Variants in DGLUCY observed in about 807,000 individuals in gnomAD.
DGLUCY encodes the protein D-glutamate cyclase.
DGLUCY carries 58 observed loss-of-function variants against 58.5 expected under a neutral mutation model. The observed-to-expected ratio is 0.99, with a 90% CI of 0.80 to 1.23. The LOEUF is 1.23. Ranked by LOEUF, DGLUCY falls within the 50% of genes most tolerant of loss-of-function variation. The probability of loss-of-function intolerance (pLI) is 0.00; values close to 1 mark genes in which losing one functional copy is unlikely to be tolerated. For synonymous variants in DGLUCY, 325 were observed against 314.1 expected (o/e 1.03, Z -0.37); for missense variants, 779 against 784.7 (o/e 0.99, Z 0.09).
intron 9 of DGLUCY, 152 bp downstream of exon 9, chr14:91,189,322 CTG>C: frequency 7.3e-6 from 8 of 1,095,338 alleles, no homozygotes; most frequent in Non-Finnish European, 1.0e-5. Flanking sequence ...GACGAAGAGA[CTG>C]AGGCTCTGAG....
chr14:91,170,084 G>A lies in DGLUCY; in HGVS notation c.339G>A (p.Gln113=), dbSNP rs778214097. 7.4e-6 allele frequency: 12 copies of A among 1,612,628 alleles called. No homozygotes were observed. The highest frequency in any genetic ancestry group is 2.7e-5 in the African/African-American group (2 of 74,900). The change falls in exon 5 of 14, where the codon CAG becomes CAA. Residue 113 remains glutamine (Q), a synonymous_variant. Coordinates refer to ENST00000256324, the MANE Select transcript of DGLUCY (RefSeq NM_001102368.3). ...SLASLEQYSE[Q]LKDMVAFFLG... ...CTTCGCTGGAGCAGTACTCGGAGCA[G>A]CTGAAGGACATGGTGGCCTTCTTCC...
intron 1 of DGLUCY, among the ~76,000 whole-genome samples, chr14:91,090,326 C>T (rs942840820): frequency 4.6e-5 from 7 of 152,134 alleles, no homozygotes; most frequent in South Asian, 4.1e-4. Flanking sequence ...GAAAAAGGAG[C>T]GGTGAGGGTA....
intron 6 of DGLUCY, 117 bp from the exon 7 acceptor site, chr14:91,175,817 T>C: frequency 8.2e-7 from 1 of 1,214,414 alleles, no homozygotes; most frequent in Non-Finnish European, 1.2e-6. Context: ...TCAAATACCA[T>C]TTACAATAAT....
intron 1 of DGLUCY, among the ~76,000 whole-genome samples, chr14:91,126,804 TAA>T (rs902929012): frequency 2.0e-5 from 3 of 152,184 alleles, no homozygotes; most frequent in Admixed American, 6.5e-5. Flanking sequence ...GTTTTCCAAA[TAA>T]AGTCATATTC....
intron 11 of DGLUCY, among the ~76,000 whole-genome samples, chr14:91,201,753 T>C (rs2050576897): frequency 6.6e-6 from 1 of 151,948 alleles, no homozygotes; most frequent in African/African-American, 2.4e-5. Context: ...CTTCAGTCGT[T>C]AATAATATAA....
intron 3 of DGLUCY, among the ~76,000 whole-genome samples, chr14:91,164,778 T>A (rs537786526): frequency 3.0e-4 from 45 of 152,338 alleles, no homozygotes; most frequent in Non-Finnish European, 4.0e-4. Flanking sequence ...GTGACTGTGC[T>A]GGGCCAGACC....
chr14:91,108,526 T>TGTGTGTGTGAGAGAGAGA (rs1265665234), intron 1 of DGLUCY, among the ~76,000 whole-genome samples: 9 of 52,178 alleles, frequency 1.7e-4, no homozygotes, highest in African/African-American at 3.1e-4. Context: ...TGTGTGTGTG[T>TGTGTGTGTGAGAGAGAGA]GAGAGAGAGA....
At chr14:91,116,668 G>T (rs150959780) in intron 1 of DGLUCY, among the ~76,000 whole-genome samples, 2 of 152,082 alleles carry the variant, frequency 1.3e-5, no homozygotes, top group African/African-American at 4.8e-5. Flanking sequence ...GGAATAGGCC[G>T]GGCGTGGTGG....
chr14:91,171,792 C>G (rs760313867), intron 5 of DGLUCY, among the ~76,000 whole-genome samples: 1 of 152,192 alleles, frequency 6.6e-6, no homozygotes, highest in Non-Finnish European at 1.5e-5. Flanking sequence ...CAGATCAAAC[C>G]GGGCAACATC....
At chr14:91,093,424 G>A (rs2044345504) in intron 1 of DGLUCY, among the ~76,000 whole-genome samples, 3 of 152,116 alleles carry the variant, frequency 2.0e-5, no homozygotes, top group Non-Finnish European at 4.4e-5. Flanking sequence ...CCATGAAATG[G>A]AATATTATCT....
chr14:91,137,992 CT>C (rs1210780237), intron 1 of DGLUCY, among the ~76,000 whole-genome samples: 1 of 152,136 alleles, frequency 6.6e-6, no homozygotes, highest in African/African-American at 2.4e-5. Flanking sequence ...CAAAAAGACA[CT>C]GCGTGATTCA....
rs76096766 is a variant in DGLUCY, at chr14:91,188,827, A to G, written c.935-83A>G. On this transcript the variant is annotated intron_variant, in intron 8 of 13. Coordinates refer to ENST00000256324, the MANE Select transcript of DGLUCY (RefSeq NM_001102368.3). ...CTGGATGACAGAGCAAAACCCTATC[A>G]TAAGTAAATAAATACATACATACAT... The G allele has an allele frequency of 5.1e-5, 73 of 1,425,300 alleles. No individual in the cohort carries two copies. The East Asian group carries it at 1.7e-3, about 34-fold the overall frequency. The allele number at this position is 1,425,300 out of a possible 1,614,324, so 88.3% of individuals were successfully genotyped here.
chr14:91,107,835 C>T (rs1267140118), upstream of DGLUCY, among the ~76,000 whole-genome samples: 1 of 152,086 alleles, frequency 6.6e-6, no homozygotes, highest in African/African-American at 2.4e-5. Flanking sequence ...GTGGGAGACA[C>T]GAGACAGGGA....
Position 91,127,836 on chromosome 14 carries a change from A to G in DGLUCY, c.-82+13553A>G, listed in dbSNP as rs1268142605. On this transcript the variant is annotated intron_variant, in intron 1 of 13. Transcript: ENST00000256324. Reference sequence around the variant, plus strand: ...CTTTTCTCCTTCCCTGCTTTCAGAAAGGTCAACTGGGACTAAAGTGCATCT... The same window carrying G: ...CTTTTCTCCTTCCCTGCTTTCAGAAGGGTCAACTGGGACTAAAGTGCATCT... Among the ~76,000 whole-genome samples, 5 of 152,058 alleles carry G rather than the reference A, an allele frequency of 3.3e-5. No individual in the cohort carries two copies. The South Asian group carries it at 1.0e-3, about 32-fold the overall frequency.
At chr14:91,066,301 C>T (rs942740396) in intron 1 of DGLUCY, among the ~76,000 whole-genome samples, 6 of 151,048 alleles carry the variant, frequency 4.0e-5, no homozygotes, top group African/African-American at 1.5e-4. Context: ...TCACTTGAAC[C>T]CGGGAGGCAG....
intron 1 of DGLUCY, among the ~76,000 whole-genome samples, chr14:91,139,454 G>A (rs1479578839): frequency 5.3e-5 from 8 of 152,218 alleles, no homozygotes; most frequent in African/African-American, 1.7e-4. Flanking sequence ...GGAAGCCAAG[G>A]CAGGTGGATC....
At chr14:91,135,943 T>G (rs1301804263) in intron 1 of DGLUCY, among the ~76,000 whole-genome samples, 3 of 139,248 alleles carry the variant, frequency 2.2e-5, no homozygotes, top group African/African-American at 8.0e-5. Flanking sequence ...TTTTTTTTTT[T>G]TTTTTTTTTG....
chr14:91,092,110 C>T (rs1595631497), intron 1 of DGLUCY, among the ~76,000 whole-genome samples: 1 of 152,210 alleles, frequency 6.6e-6, no homozygotes, highest in East Asian at 1.9e-4. Flanking sequence ...TCAAGCCAGA[C>T]TCTTCCTTGG....
intron 13 of DGLUCY, among the ~76,000 whole-genome samples, chr14:91,221,842 A>G (rs572544868): frequency 9.8e-4 from 150 of 152,288 alleles, no homozygotes; most frequent in South Asian, 6.2e-3. Flanking sequence ...CCTTGCAACC[A>G]CCACCAAGAT....
Sources: gnomAD v4.1 joint callset for allele counts (sites outside exome capture counted in the v4.1 genomes callset) on GRCh38, gnomAD v4.1.1 for gene constraint, MANE v1.5 for transcripts, NCBI Gene and HGNC (gene_info 2026-07-23, HGNC 2026-07-21) for gene names.